SORCS3: variants seen among roughly 807,000 people sequenced by gnomAD.
SORCS3 encodes sortilin related VPS10 domain containing receptor 3, also known as VPS10 domain-containing receptor SorCS3.
In SORCS3, 57 loss-of-function variants were observed where a neutral mutation model predicts 146.3. The observed-to-expected ratio is 0.39, with a 90% CI of 0.31 to 0.49. SORCS3 has a LOEUF of 0.49. SORCS3 is among the 20% of genes least tolerant of loss of function. The pLI, the probability that SORCS3 is intolerant of heterozygous loss-of-function variation, is 0.92. For missense variants in SORCS3, 1,341 were observed against 1,575.5 expected, an observed-to-expected ratio of 0.85 and a Z score of 2.52; for synonymous variants, 653 against 618.5, an observed-to-expected ratio of 1.06 and a Z score of -0.83.
At chr10:105,023,797 C>G (rs892733141) in intron 4 of SORCS3, among the ~76,000 whole-genome samples, 41 of 151,924 alleles carry the variant, frequency 2.7e-4, no homozygotes, top group African/African-American at 9.2e-4. Flanking sequence ...CAAGGCGTCT[C>G]TGTGGTTGCT....
In SORCS3 at chr10:105,003,684, G is replaced by A. The variant is rs565021927; in HGVS notation, c.954+26191G>A. On this transcript the variant is annotated intron_variant, in intron 4 of 26. Coordinates refer to ENST00000369701, the MANE Select transcript of SORCS3 (RefSeq NM_014978.3). ...GCTTTTCCAGCGTCCTAGCAGGAGCGTGTTGAAGCAGGGAACTTGACATGG... is the reference window on the plus strand; with the variant it reads ...GCTTTTCCAGCGTCCTAGCAGGAGCATGTTGAAGCAGGGAACTTGACATGG... Among the ~76,000 whole-genome samples, 51 of 152,272 alleles carry A rather than the reference G, an allele frequency of 3.3e-4. 1 individual carries two copies. The highest frequency in any genetic ancestry group is 1.0e-3 in the African/African-American group (43 of 41,542).
intron 2 of SORCS3, among the ~76,000 whole-genome samples, chr10:104,912,475 C>T (rs1440723118): frequency 6.6e-6 from 1 of 152,174 alleles, no homozygotes; most frequent in Non-Finnish European, 1.5e-5. Context: ...AGACCCTTCC[C>T]TAGGACAGAC....
intron 2 of SORCS3, among the ~76,000 whole-genome samples, chr10:104,897,447 A>G (rs2018809730): frequency 6.6e-6 from 1 of 152,236 alleles, no homozygotes. Flanking sequence ...CAGTATATAC[A>G]GCCTCTAAGA....
chr10:104,819,000 G>A (rs1354172198), intron 1 of SORCS3, among the ~76,000 whole-genome samples: 1 of 151,254 alleles, frequency 6.6e-6, no homozygotes, highest in Non-Finnish European at 1.5e-5. Flanking sequence ...ATCCATCCAA[G>A]CTGGAGATAA....
chr10:105,168,975 T>C (rs2056337431), intron 13 of SORCS3, among the ~76,000 whole-genome samples: 2 of 152,198 alleles, frequency 1.3e-5, no homozygotes, highest in South Asian at 4.1e-4. Context: ...TATAGTTTTT[T>C]GGTAGTATCC....
chr10:104,987,561 A>G (rs2054969421), intron 4 of SORCS3, among the ~76,000 whole-genome samples: 1 of 152,170 alleles, frequency 6.6e-6, no homozygotes, highest in African/African-American at 2.4e-5. Flanking sequence ...CTGAACTAAA[A>G]TATGCAGCCT....
intron 14 of SORCS3, among the ~76,000 whole-genome samples, chr10:105,188,873 G>A (rs921677620): frequency 3.9e-5 from 6 of 152,270 alleles, no homozygotes; most frequent in Middle Eastern, 3.4e-3. Flanking sequence ...GGATTGAGTC[G>A]GGATTTGTGG....
chr10:105,211,336 C>G (rs1394756612), intron 17 of SORCS3, 86 bp downstream of exon 17: 5 of 893,232 alleles, frequency 5.6e-6, no homozygotes, highest in Non-Finnish European at 9.2e-6. Context: ...CTATTGAATA[C>G]AATGGAGTGA....
At chr10:105,208,546 C>T (rs892039544) in intron 16 of SORCS3, among the ~76,000 whole-genome samples, 1 of 151,082 alleles carries the variant, frequency 6.6e-6, no homozygotes, top group African/African-American at 2.4e-5. Context: ...TAGCTAGTAC[C>T]ACAACATTAT....
intron 5 of SORCS3, among the ~76,000 whole-genome samples, chr10:105,060,716 A>G (rs1483796842): frequency 6.6e-6 from 1 of 152,126 alleles, no homozygotes; most frequent in East Asian, 1.9e-4. Flanking sequence ...AGGCAGGCGG[A>G]TCACCTAGGT....
chr10:105,129,309 T>C (rs542379641), intron 7 of SORCS3, among the ~76,000 whole-genome samples: 18 of 149,522 alleles, frequency 1.2e-4, no homozygotes, highest in Middle Eastern at 3.4e-3. Context: ...CCATTTTCTT[T>C]CTCTTTTCTT....
intron 6 of SORCS3, among the ~76,000 whole-genome samples, chr10:105,096,946 C>A (rs1473596075): frequency 6.6e-6 from 1 of 152,076 alleles, no homozygotes; most frequent in African/African-American, 2.4e-5. Flanking sequence ...TATAAATGAA[C>A]TTCACTTTTC....
intron 11 of SORCS3, among the ~76,000 whole-genome samples, chr10:105,160,139 G>T (rs2056249994): frequency 6.6e-6 from 1 of 152,158 alleles, no homozygotes; most frequent in African/African-American, 2.4e-5. Context: ...CCTACAGGAG[G>T]TCTGAACTGG....
intron 1 of SORCS3, among the ~76,000 whole-genome samples, chr10:104,819,301 G>T (rs1405817998): frequency 6.6e-6 from 1 of 152,136 alleles, no homozygotes; most frequent in Non-Finnish European, 1.5e-5. Context: ...AGATGAGTCT[G>T]GCTCAAGGGG....
intron 4 of SORCS3, among the ~76,000 whole-genome samples, chr10:105,041,040 G>T (rs1173346528): frequency 2.1e-5 from 3 of 143,638 alleles, no homozygotes; most frequent in South Asian, 2.1e-4. Context: ...TACATTTTTA[G>T]CATATATATA....
intron 2 of SORCS3, among the ~76,000 whole-genome samples, chr10:104,858,150 C>T (rs1233112000): frequency 6.6e-6 from 1 of 152,050 alleles, no homozygotes; most frequent in African/African-American, 2.4e-5. Flanking sequence ...AATAATTTTA[C>T]TAATAAAAAA....
intron 1 of SORCS3, among the ~76,000 whole-genome samples, chr10:104,767,986 A>T: frequency 6.6e-6 from 1 of 152,114 alleles, no homozygotes; most frequent in Non-Finnish European, 1.5e-5. Context: ...AGGGATCTAG[A>T]ACCCAGATGT....
At chr10:104,909,854 A>C (rs1313026638) in intron 2 of SORCS3, among the ~76,000 whole-genome samples, 1 of 151,234 alleles carries the variant, frequency 6.6e-6, no homozygotes, top group Non-Finnish European at 1.5e-5. Context: ...CGAGAAGATC[A>C]CTAGAGGAGT....
intron 4 of SORCS3, among the ~76,000 whole-genome samples, chr10:104,978,005 C>G (rs1459019878): frequency 6.6e-6 from 1 of 152,146 alleles, no homozygotes; most frequent in Non-Finnish European, 1.5e-5. Context: ...GCTGGGATTA[C>G]AGGCGTGAGT....
Sources: gnomAD v4.1 joint callset for allele counts (sites outside exome capture counted in the v4.1 genomes callset) on GRCh38, gnomAD v4.1.1 for gene constraint, MANE v1.5 for transcripts, NCBI Gene and HGNC (gene_info 2026-07-23, HGNC 2026-07-21) for gene names.